INPP5J: variants seen among roughly 807,000 people sequenced by gnomAD.
INPP5J encodes the protein inositol polyphosphate-5-phosphatase J.
INPP5J carries 75 observed loss-of-function variants against 86.6 expected under a neutral mutation model. That is an observed-to-expected ratio of 0.87 (90% CI 0.72 to 1.05). The LOEUF is 1.05. INPP5J is among the 50% of genes least tolerant of loss of function. The pLI, the probability that INPP5J is intolerant of heterozygous loss-of-function variation, is 0.00. For missense variants in INPP5J, 1,229 were observed against 1,341.2 expected (o/e 0.92, Z 1.31); for synonymous variants, 540 against 550.0 (o/e 0.98, Z 0.25).
Position 31,125,375 on chromosome 22 carries a change from A to G in INPP5J, c.636A>G (p.Pro212=). 1 of 1,550,256 alleles carries G rather than the reference A, an allele frequency of 6.5e-7. No individual in the cohort carries two copies. Residue 212 remains proline (P), a synonymous_variant, in exon 2 of 13, where the codon CCA becomes CCG. Transcript: ENST00000331075. ...PSPVPSPVLS[P]TQEQALAPAS... Reference sequence around the variant, plus strand: ...CGGTGCCCAGTCCAGTTCTGTCTCCAACTCAGGAACAGGCCCTGGCTCCAG... The same window carrying G: ...CGGTGCCCAGTCCAGTTCTGTCTCCGACTCAGGAACAGGCCCTGGCTCCAG...
chr22:31,128,572 A>G lies in INPP5J; in HGVS notation c.2111A>G (p.Gln704Arg). The G allele has an allele frequency of 1.9e-6, 3 of 1,613,324 alleles. No individual in the cohort carries two copies. The highest frequency in any genetic ancestry group is 1.7e-6 in the Non-Finnish European group (2 of 1,179,804). The change falls in exon 9 of 13, where the codon CAG (glutamine) becomes CGG (arginine). Residue 704 changes from glutamine (Q) to arginine (R), a missense_variant. Physicochemically the swap from Gln to Arg is conservative, Grantham distance 43. Transcript: ENST00000331075. ...SPSGRKSHRL[Q>R]VTQHSYRSHM... ...TCAGGACGGAAGAGCCACCGACTCC[A>G]GGTGACGCAGCACAGCTACCGCAGC...
chr22:31,124,328 G>C (rs1231577716), intron 1 of INPP5J: 1 of 988,084 alleles, frequency 1.0e-6, no homozygotes, highest in Non-Finnish European at 1.2e-6. Flanking sequence ...GGGAACTGAG[G>C]GTTTCTGGGC....
chr22:31,133,677 A>G lies in INPP5J; in HGVS notation c.2477A>G (p.Asn826Ser). 6.2e-7 allele frequency: 1 copy of G among 1,613,312 alleles called. No homozygotes were observed. Among genetic ancestry groups the G allele is most frequent in the Non-Finnish European group, 8.5e-7 (1 of 1,179,648 alleles). Reference sequence around the variant, plus strand: ...TTCATCCTGGGCTACTATAGTCACAACCACAGCATCCTCATCGGCATCACT... The same window carrying G: ...TTCATCCTGGGCTACTATAGTCACAGCCACAGCATCCTCATCGGCATCACT... ...GDFILGYYSH[N>S]HSILIGITEP... Residue 826 changes from asparagine to serine, a missense_variant, in exon 12 of 13, where the codon AAC becomes AGC. Asn to Ser is a conservative substitution (Grantham distance 46). Coordinates refer to ENST00000331075, the MANE Select transcript of INPP5J (RefSeq NM_001284285.2).
chr22:31,126,983 C>A lies in INPP5J; in HGVS notation c.1557C>A (p.Pro519=), dbSNP rs1265661229. Residue 519 remains proline (P), a synonymous_variant, in exon 5 of 13, where the codon CCC becomes CCA. Coordinates refer to ENST00000331075, the MANE Select transcript of INPP5J (RefSeq NM_001284285.2). ...LLLFAKYYHL[P]FLRDVQTDCT... is the part of the protein sequence containing the mutation. The stretch of plus-strand genomic sequence containing the variant: ...TGTTCGCCAAGTACTACCACCTGCC[C>A]TTCCTGCGAGACGTGCAGACCGACT... 1 of 1,610,340 alleles carries A rather than the reference C, an allele frequency of 6.2e-7. No homozygotes were observed. The highest frequency in any genetic ancestry group is 8.5e-7 in the Non-Finnish European group (1 of 1,178,350).
At position 31,126,450 on chromosome 22, in the gene INPP5J, G is replaced by A. The variant is rs1209626361; in HGVS notation, c.1346G>A (p.Gly449Asp). 4 of 1,613,842 alleles carry A rather than the reference G, an allele frequency of 2.5e-6. No homozygotes were observed. The highest frequency in any genetic ancestry group is 2.5e-6 in the Non-Finnish European group (3 of 1,179,846). The change falls in exon 3 of 13, where the codon GGT becomes GAT. Residue 449 changes from glycine (G) to aspartate (D), a missense_variant. Coordinates refer to ENST00000331075, the MANE Select transcript of INPP5J (RefSeq NM_001284285.2). ...DDVTSLLHLGGGDDSDGADMI... is the reference protein window; with the variant it reads ...DDVTSLLHLGDGDDSDGADMI... ...GTCACATCCCTCCTCCACCTGGGCG[G>A]TGGTGACGACAGCGACGGCGCAGAC... is the stretch of plus-strand genomic sequence containing the variant.
chr22:31,134,339 C>A lies in INPP5J; in HGVS notation c.2941C>A (p.Arg981=), dbSNP rs185902428. 6.5e-7 allele frequency: 1 copy of A among 1,543,674 alleles called. No individual in the cohort carries two copies. The highest frequency in any genetic ancestry group is 1.2e-5 in the South Asian group (1 of 83,400). The change falls in exon 13 of 13, where the codon CGG becomes AGG. Residue 981 remains arginine, a synonymous_variant. Transcript: ENST00000331075. ...PGGGGSWGPD[R]EALAPNSLSP... is the part of the protein sequence containing the mutation. Reference sequence around the variant, plus strand: ...TGGTGGTGGCTCCTGGGGACCTGATCGGGAGGCCCTGGCGCCCAACAGCCT... The same window carrying A: ...TGGTGGTGGCTCCTGGGGACCTGATAGGGAGGCCCTGGCGCCCAACAGCCT...
intron 2 of INPP5J, 83 bp from the exon 3 acceptor site, chr22:31,126,293 G>T: frequency 8.3e-7 from 1 of 1,198,378 alleles, no homozygotes; most frequent in Non-Finnish European, 1.2e-6. Context: ...CCTCCATTTA[G>T]TTCCCCAGGG....
At position 31,134,374 on chromosome 22, in the gene INPP5J, T is replaced by G. The variant is rs1422068705; in HGVS notation, c.2976T>G (p.Ser992Arg). 2 of 1,498,132 alleles carry G rather than the reference T, an allele frequency of 1.3e-6. No homozygotes were observed. Among genetic ancestry groups the G allele is most frequent in the South Asian group, 2.6e-5 (2 of 76,070 alleles). 92.8% of individuals were successfully genotyped at this position (1,498,132 alleles called of 1,614,324 possible). A position where few individuals can be genotyped will look rare whatever the true frequency, so the allele number is the denominator to read the frequency against. ...TGGCGCCCAACAGCCTGTCTCCTAG[T>G]CCCCAGGGCCATCGGGGGCTGGAGG... is the stretch of plus-strand genomic sequence containing the variant. Reference protein sequence around the residue: ...EALAPNSLSPSPQGHRGLEEG... With the variant: ...EALAPNSLSPRPQGHRGLEEG... Residue 992 changes from serine (S) to arginine (R), a missense_variant, in exon 13 of 13, where the codon AGT (serine) becomes AGG (arginine). Physicochemically the swap from Ser to Arg is moderately radical, Grantham distance 110. Coordinates refer to ENST00000331075, the MANE Select transcript of INPP5J (RefSeq NM_001284285.2).
rs1259050353 is a variant in INPP5J at position 31,125,393 on chromosome 22, G to A, written c.654G>A (p.Leu218=). ...TGTCTCCAACTCAGGAACAGGCCCTGGCTCCAGCATCCACGGCATCAGGCG... is the reference window on the plus strand; with the variant it reads ...TGTCTCCAACTCAGGAACAGGCCCTAGCTCCAGCATCCACGGCATCAGGCG... ...PVLSPTQEQA[L]APASTASGAA... is the part of the protein sequence containing the mutation. The change falls in exon 2 of 13, where the codon CTG becomes CTA. Residue 218 remains leucine (L), a synonymous_variant. Transcript: ENST00000331075. The A allele has an allele frequency of 6.4e-7, 1 of 1,550,454 alleles. No individual in the cohort carries two copies. Among genetic ancestry groups the A allele is most frequent in the Non-Finnish European group, 8.7e-7 (1 of 1,146,978 alleles).
Position 31,133,215 on chromosome 22 carries a change from G to T in INPP5J, c.2311G>T (p.Asp771Tyr). 1 of 1,606,916 alleles carries T rather than the reference G, an allele frequency of 6.2e-7. No individual in the cohort carries two copies. Among genetic ancestry groups the T allele is most frequent in the Non-Finnish European group, 8.5e-7 (1 of 1,177,730 alleles). The change falls in exon 10 of 13, where the codon GAC becomes TAC. Residue 771 changes from aspartate to tyrosine, a missense_variant. Transcript: ENST00000331075. ...AACAGTGTTCGCCCGCAGCTCCTGG[G>T]ACTGGATCGGCTTATACCGGGTGAG... is the stretch of plus-strand genomic sequence containing the variant. Reference protein sequence around the residue: ...METVFARSSWDWIGLYRVGFR... With the variant: ...METVFARSSWYWIGLYRVGFR...
chr22:31,130,445 T>A (rs1921963874), intron 9 of INPP5J, among the ~76,000 whole-genome samples: 1 of 151,392 alleles, frequency 6.6e-6, no homozygotes, highest in Admixed American at 6.6e-5. Context: ...GCTTGGAAGA[T>A]CTAGTCTGCT....
intron 4 of INPP5J, 66 bp downstream of exon 4, chr22:31,126,787 T>C (rs1921505536): frequency 3.4e-6 from 5 of 1,488,820 alleles, no homozygotes; most frequent in Admixed American, 3.4e-5. Flanking sequence ...AGCTGTACCC[T>C]GGCTCACTGT....
rs985773115 is a variant in INPP5J, at chr22:31,126,612, G to A, written c.1386-1G>A. 1 of 1,612,946 alleles carries A rather than the reference G, an allele frequency of 6.2e-7. No homozygotes were observed. The highest frequency in any genetic ancestry group is 1.7e-5 in the Admixed American group (1 of 59,986). On this transcript the variant is annotated splice_acceptor_variant, in intron 3 of 12. Transcript: ENST00000331075. LOFTEE classifies it high-confidence loss of function. ...TGGCCACCCTGCCCCCACCCCTCCA[G>A]GTTGCAGGAAGTGAACTCCATGCTC...
chr22:31,130,391 G>A (rs1921961452), intron 9 of INPP5J, among the ~76,000 whole-genome samples: 1 of 151,894 alleles, frequency 6.6e-6, no homozygotes, highest in African/African-American at 2.4e-5. Context: ...GTGCACACCT[G>A]TATTCCCAGC....
Position 31,125,978 on chromosome 22 carries a change from T to TCAGCCTAC in INPP5J, c.1241_1248dup (p.Trp417SerfsTer45). 6.3e-7 allele frequency: 1 copy of TCAGCCTAC among 1,592,128 alleles called. No homozygotes were observed. Among genetic ancestry groups the TCAGCCTAC allele is most frequent in the Non-Finnish European group, 8.6e-7 (1 of 1,164,972 alleles). Reference sequence around the variant, plus strand: ...CCCTGTCATCCTCCCCTTGGTCAGCTCAGCCTACCTGGAAGAGCGACCCCG... The same window carrying TCAGCCTAC: ...CCCTGTCATCCTCCCCTTGGTCAGCTCAGCCTACCAGCCTACCTGGAAGAGCGACCCCG... On this transcript the variant is annotated frameshift_variant, in exon 2 of 13. Transcript: ENST00000331075. LOFTEE classifies it high-confidence loss of function.
At position 31,123,028 on chromosome 22, in the gene INPP5J, G is replaced by A; in HGVS notation, c.14G>A (p.Ser5Asn). The A allele has an allele frequency of 6.8e-7, 1 of 1,465,868 alleles. No homozygotes were observed. Among genetic ancestry groups the A allele is most frequent in the South Asian group, 1.4e-5 (1 of 73,036 alleles). 90.8% of individuals were successfully genotyped at this position (1,465,868 alleles called of 1,614,324 possible). MEGQ[S>N]SRGSRRPGTR... ...GGGGCTGCAGACATGGAGGGCCAGA[G>A]CAGCAGGGGCAGCAGGAGGCCAGGG... Residue 5 changes from serine to asparagine, a missense_variant, in exon 1 of 13, where the codon AGC (serine) becomes AAC (asparagine). Ser to Asn is a conservative substitution (Grantham distance 46, BLOSUM62 1). Transcript: ENST00000331075.
intron 2 of INPP5J, 181 bp downstream of exon 2, chr22:31,126,191 G>T (rs375061714): frequency 1.3e-6 from 1 of 794,616 alleles, no homozygotes; most frequent in Non-Finnish European, 2.0e-6. Flanking sequence ...GGAACTTGCC[G>T]CCTCTCAGTT....
In INPP5J at chr22:31,125,143, C is replaced by T. The variant is rs773974208; in HGVS notation, c.404C>T (p.Pro135Leu). ...GCGACCACAGGCTCAGTTCTGGCTC[C>T]GACGTCCCTGGGGCTGGTGATGCCT... ...PPATTGSVLA[P>L]TSLGLVMPAS... Residue 135 changes from proline to leucine, a missense_variant, in exon 2 of 13, where the codon CCG becomes CTG. By Grantham distance (98) the Pro-to-Leu change is moderately conservative. Coordinates refer to ENST00000331075, the MANE Select transcript of INPP5J (RefSeq NM_001284285.2). 2.6e-6 allele frequency: 4 copies of T among 1,550,206 alleles called. No individual in the cohort carries two copies. The highest frequency in any genetic ancestry group is 2.4e-5 in the East Asian group (1 of 40,926).
In INPP5J at chr22:31,134,218, G is replaced by A. The variant is rs1261751367; in HGVS notation, c.2820G>A (p.Gly940=). 1.3e-6 allele frequency: 2 copies of A among 1,550,074 alleles called. No individual in the cohort carries two copies. Among genetic ancestry groups the A allele is most frequent in the Non-Finnish European group, 1.7e-6 (2 of 1,146,758 alleles). Residue 940 remains glycine (G), a synonymous_variant, in exon 13 of 13, where the codon GGG becomes GGA. Coordinates refer to ENST00000331075, the MANE Select transcript of INPP5J (RefSeq NM_001284285.2). The stretch of plus-strand genomic sequence containing the variant: ...GCAGCCGGGGCAGTAGTGAAGAGGG[G>A]CCCTCTGGGTTGCCTGGCCCCTGGG... The part of the protein sequence containing the change: ...NGSSRGSSEE[G]PSGLPGPWAF...
Sources: gnomAD v4.1 joint callset for allele counts (sites outside exome capture counted in the v4.1 genomes callset) on GRCh38, gnomAD v4.1.1 for gene constraint, MANE v1.5 for transcripts, NCBI Gene and HGNC (gene_info 2026-07-23, HGNC 2026-07-21) for gene names.